NDUFC1: variants seen among roughly 807,000 people sequenced by gnomAD.
The protein encoded by NDUFC1 is NADH dehydrogenase [ubiquinone] 1 subunit C1, mitochondrial.
Under a neutral mutation model 11.6 loss-of-function variants are expected in NDUFC1, and 11 were observed. The ratio of observed to expected loss-of-function variants is 0.95; its 90% confidence interval spans 0.60 to 1.58. NDUFC1 has a LOEUF of 1.58. Among genes scored for constraint, NDUFC1 ranks in the 40% most tolerant of loss-of-function variants. The pLI is 0.00. For synonymous variants in NDUFC1, 52 were observed against 42.2 expected, an observed-to-expected ratio of 1.23 and a Z score of -0.90; for missense variants, 112 against 93.0, an observed-to-expected ratio of 1.20 and a Z score of -0.84.
intron 4 of NDUFC1, among the ~76,000 whole-genome samples, chr4:139,293,280 T>G (rs1199340240): frequency 6.6e-6 from 1 of 152,164 alleles, no homozygotes; most frequent in Non-Finnish European, 1.5e-5. Context: ...ATGCTTCTAA[T>G]CTTAGAAGTA....
intron 5 of NDUFC1, among the ~76,000 whole-genome samples, chr4:139,290,956 C>A (rs1208913896): frequency 6.6e-6 from 1 of 151,436 alleles, no homozygotes; most frequent in Admixed American, 6.6e-5. Context: ...ACTACGGGCG[C>A]GCACCACCAT....
At chr4:139,296,937 T>C (rs564433476) in intron 2 of NDUFC1, among the ~76,000 whole-genome samples, 3 of 152,366 alleles carry the variant, frequency 2.0e-5, no homozygotes, top group East Asian at 1.9e-4. Flanking sequence ...CCAAAAATTA[T>C]TGACCAAAAA....
rs907911105 is a variant in NDUFC1, at chr4:139,298,240, G to C, written c.-221-797C>G. 1.3e-4 allele frequency among the ~76,000 whole-genome samples: 19 copies of C among 151,710 alleles called. 1 individual carries two copies. In the East Asian group the frequency reaches 3.5e-3, roughly 28 times the overall value. On this transcript the variant is annotated intron_variant, in intron 1 of 5. Transcript: ENST00000394223. ...GGATCACCTGAGGTCGGGAGTTCAA[G>C]ACCAGCCTGACCAACATGGAGAAAC...
chr4:139,297,054 C>A (rs1473355875), intron 2 of NDUFC1, among the ~76,000 whole-genome samples: 1 of 152,150 alleles, frequency 6.6e-6, no homozygotes, highest in Non-Finnish European at 1.5e-5. Context: ...TTTGAGCCTC[C>A]TGGACTCATG....
At chr4:139,294,581 A>C (rs1028143257) in intron 4 of NDUFC1, among the ~76,000 whole-genome samples, 3 of 151,196 alleles carry the variant, frequency 2.0e-5, no homozygotes, top group African/African-American at 7.3e-5. Flanking sequence ...CCAACAATAC[A>C]AAAATTAGCC....
intron 1 of NDUFC1, chr4:139,302,166 C>T: frequency 3.5e-6 from 1 of 285,620 alleles, no homozygotes; most frequent in Non-Finnish European, 6.5e-6. Context: ...GCGACACCGG[C>T]AGGAGTCGCG....
chr4:139,294,624 A>G (rs955905857), intron 4 of NDUFC1, among the ~76,000 whole-genome samples: 7 of 151,702 alleles, frequency 4.6e-5, no homozygotes, highest in African/African-American at 1.5e-4. Context: ...AGTCCTAGCT[A>G]CTTGGGAGGC....
In NDUFC1 at chr4:139,297,354, A is replaced by C. The variant is rs569381174; in HGVS notation, c.-163+31T>G. ...CCTTTTACTAGTGTGTATTTTGGGA[A>C]AGTGATGAAGTATAAGCACATTTTT... is the stretch of plus-strand genomic sequence containing the variant. On this transcript the variant is annotated intron_variant, in intron 2 of 5. Coordinates refer to ENST00000394223, the MANE Select transcript of NDUFC1 (RefSeq NM_001184989.2). 3.9e-5 allele frequency: 6 copies of C among 152,324 alleles called. No homozygotes were observed. In the East Asian group the frequency reaches 9.6e-4, roughly 24 times the overall value. The allele number at this position is 152,324 out of a possible 1,614,324, so 9.4% of individuals were successfully genotyped here. A position where few individuals can be genotyped will look rare whatever the true frequency, so the allele number is the denominator to read the frequency against.
intron 1 of NDUFC1, chr4:139,301,906 C>G: frequency 6.7e-7 from 1 of 1,489,048 alleles, no homozygotes; most frequent in Non-Finnish European, 9.1e-7. Flanking sequence ...AACCTCGGCC[C>G]GGCGGGCACT....
chr4:139,295,825 G>A lies in NDUFC1; in HGVS notation c.-27C>T, dbSNP rs761605769. ...TTGCGTGGCCCAGCTCAGTCTCTCC[G>A]AGTTGGCAACAGAACCAGCGCCACC... is the stretch of plus-strand genomic sequence containing the variant. On this transcript the variant is annotated 5_prime_UTR_variant, in exon 3 of 6. Transcript: ENST00000394223. 4 of 1,543,530 alleles carry A rather than the reference G, an allele frequency of 2.6e-6. No homozygotes were observed. The highest frequency in any genetic ancestry group is 3.5e-6 in the Non-Finnish European group (4 of 1,144,190).
chr4:139,301,397 G>C (rs1269505378), intron 1 of NDUFC1: 1 of 425,266 alleles, frequency 2.4e-6, no homozygotes, highest in Admixed American at 4.3e-5. Context: ...CAGCCTCCAG[G>C]TTTCCCGGCA....
chr4:139,291,799 G>A (rs1024323254), intron 5 of NDUFC1, among the ~76,000 whole-genome samples: 1 of 151,622 alleles, frequency 6.6e-6, no homozygotes, highest in Admixed American at 6.6e-5. Context: ...AAAGTGTAAA[G>A]CACTATCAGA....
intron 1 of NDUFC1, among the ~76,000 whole-genome samples, chr4:139,298,834 T>G (rs914920706): frequency 6.6e-6 from 1 of 151,938 alleles, no homozygotes; most frequent in South Asian, 2.1e-4. Context: ...GCACCACACC[T>G]GGCAAATTTT....
At chr4:139,298,029 A>G (rs1344263622) in intron 1 of NDUFC1, among the ~76,000 whole-genome samples, 1 of 151,864 alleles carries the variant, frequency 6.6e-6, no homozygotes, top group Non-Finnish European at 1.5e-5. Context: ...AGACTCTGCC[A>G]CTGTACTCCA....
At chr4:139,301,573 C>T in intron 1 of NDUFC1, 3 of 597,150 alleles carry the variant, frequency 5.0e-6, no homozygotes, top group South Asian at 2.1e-5. Context: ...GGGGAGGCGG[C>T]GGCAGCGTTA....
At chr4:139,294,343 A>C (rs1214482919) in intron 4 of NDUFC1, among the ~76,000 whole-genome samples, 5 of 152,194 alleles carry the variant, frequency 3.3e-5, no homozygotes, top group African/African-American at 4.8e-5. Flanking sequence ...ACTGGGATTC[A>C]ATTTGTACAA....
At chr4:139,301,832 G>C in intron 1 of NDUFC1, 1 of 1,592,486 alleles carries the variant, frequency 6.3e-7, no homozygotes, top group Non-Finnish European at 8.6e-7. Context: ...GCGGATCTTG[G>C]TAAGTGTGAG....
intron 5 of NDUFC1, among the ~76,000 whole-genome samples, 168 bp from the exon 6 acceptor site, chr4:139,290,260 T>C (rs190343601): frequency 6.6e-6 from 1 of 151,322 alleles, no homozygotes; most frequent in Admixed American, 6.6e-5. Context: ...GCCTTAACTA[T>C]GAAAGAACAG....
chr4:139,294,960 C>T, intron 4 of NDUFC1, 83 bp downstream of exon 4: 1 of 986,100 alleles, frequency 1.0e-6, no homozygotes, highest in Non-Finnish European at 1.6e-6. Context: ...CAACATATAA[C>T]AGCACCATTC....
Sources: allele counts gnomAD v4.1 joint callset (sites outside exome capture counted in the v4.1 genomes callset), GRCh38; gene constraint gnomAD v4.1.1; transcripts MANE v1.5; gene names NCBI Gene and HGNC (gene_info 2026-07-23, HGNC 2026-07-21).